SLC1A3: variants seen among roughly 807,000 people sequenced by gnomAD.
SLC1A3 encodes solute carrier family 1 member 3.
A neutral mutation model predicts 48.1 loss-of-function variants in SLC1A3; 21 were observed. The observed-to-expected ratio is 0.44, with a 90% CI of 0.31 to 0.63. The LOEUF (loss-of-function observed/expected upper bound fraction) is 0.63. SLC1A3 is among the 20% of genes least tolerant of loss of function. SLC1A3 has a pLI of 0.08. For missense variants in SLC1A3, 546 were observed against 689.0 expected, an observed-to-expected ratio of 0.79 and a Z score of 2.32; for synonymous variants, 239 against 251.4, an observed-to-expected ratio of 0.95 and a Z score of 0.47.
chr5:36,625,713 CA>C (rs1412453919), intron 2 of SLC1A3, among the ~76,000 whole-genome samples: 9 of 152,300 alleles, frequency 5.9e-5, no homozygotes, highest in Admixed American at 5.9e-4. Flanking sequence ...CACCTCTCTT[CA>C]AAACTTTTGA....
intron 2 of SLC1A3, among the ~76,000 whole-genome samples, chr5:36,628,068 C>G (rs1739982398): frequency 6.6e-6 from 1 of 152,124 alleles, no homozygotes; most frequent in South Asian, 2.1e-4. Flanking sequence ...GGATTTTGCC[C>G]CACCTTTCTG....
At chr5:36,665,617 C>A (rs540622760) in intron 3 of SLC1A3, among the ~76,000 whole-genome samples, 1 of 152,192 alleles carries the variant, frequency 6.6e-6, no homozygotes, top group South Asian at 2.1e-4. Context: ...ATGCTTACCA[C>A]GTGCTGAACA....
chr5:36,603,273 A>G (rs2562578), upstream of SLC1A3, among the ~76,000 whole-genome samples: 39,258 of 152,124 alleles, frequency 0.26, 7,377 homozygotes, highest in African/African-American at 0.53. Flanking sequence ...ATCCAGGCAC[A>G]GCCCCTTCTC....
Position 36,671,079 on chromosome 5 carries a change from G to A in SLC1A3, c.370G>A (p.Val124Ile). ...KASGKMGMRA[V>I]VYYMTTTIIA... ...ATCAGGGAAGATGGGAATGCGAGCT[G>A]TAGTCTATTATATGACTACCACCAT... The change falls in exon 4 of 10, where the codon GTA becomes ATA. Residue 124 changes from valine (V) to isoleucine (I), a missense_variant. Transcript: ENST00000265113. The A allele has an allele frequency of 1.2e-6, 2 of 1,614,046 alleles. No homozygotes were observed. Among genetic ancestry groups the A allele is most frequent in the East Asian group, 4.5e-5 (2 of 44,882 alleles).
At chr5:36,672,107 A>G (rs1241145796) in intron 4 of SLC1A3, among the ~76,000 whole-genome samples, 1 of 152,180 alleles carries the variant, frequency 6.6e-6, no homozygotes, top group Admixed American at 6.5e-5. Context: ...CTTAGCTATG[A>G]AGGAGCAAAG....
At chr5:36,639,434 T>A (rs1740524462) in intron 3 of SLC1A3, among the ~76,000 whole-genome samples, 1 of 152,220 alleles carries the variant, frequency 6.6e-6, no homozygotes, top group Admixed American at 6.5e-5. Context: ...GTAATATGCT[T>A]TATTTGGATA....
chr5:36,683,707 C>A (rs118060332), intron 8 of SLC1A3, among the ~76,000 whole-genome samples, 157 bp from the exon 9 acceptor site: 2 of 148,526 alleles, frequency 1.3e-5, no homozygotes, highest in African/African-American at 2.5e-5. Flanking sequence ...GATACTGTTT[C>A]AAAAAAAAAA....
chr5:36,684,420 C>T (rs1742563557), intron 9 of SLC1A3, among the ~76,000 whole-genome samples: 1 of 152,230 alleles, frequency 6.6e-6, no homozygotes, highest in African/African-American at 2.4e-5. Context: ...ATTTTCCCAT[C>T]CTAGCCCAAT....
At chr5:36,672,944 A>C (rs1339707490) in intron 4 of SLC1A3, among the ~76,000 whole-genome samples, 1 of 152,128 alleles carries the variant, frequency 6.6e-6, no homozygotes, top group Non-Finnish European at 1.5e-5. Context: ...TGTAATTTTT[A>C]TTCCTTGTTT....
chr5:36,646,014 T>C (rs1740826643), intron 3 of SLC1A3, among the ~76,000 whole-genome samples: 1 of 152,260 alleles, frequency 6.6e-6, no homozygotes, highest in Non-Finnish European at 1.5e-5. Context: ...GTAAGTAATA[T>C]ATGTAGTGAT....
intron 2 of SLC1A3, among the ~76,000 whole-genome samples, chr5:36,625,718 C>T (rs990944096): frequency 5.9e-5 from 9 of 152,320 alleles, no homozygotes; most frequent in Admixed American, 5.9e-4. Context: ...CTCTTCAAAA[C>T]TTTTGACCTA....
intron 2 of SLC1A3, among the ~76,000 whole-genome samples, chr5:36,620,180 G>T (rs920602594): frequency 1.3e-5 from 2 of 152,144 alleles, no homozygotes; most frequent in Admixed American, 1.3e-4. Flanking sequence ...ATGAGATACT[G>T]ATATTAAACG....
intron 3 of SLC1A3, among the ~76,000 whole-genome samples, chr5:36,662,514 C>G (rs1175050966): frequency 2.0e-5 from 3 of 152,172 alleles, no homozygotes; most frequent in African/African-American, 4.8e-5. Flanking sequence ...CTCGCCTCTC[C>G]CTCTTGCTCT....
At chr5:36,605,186 T>G (rs1738883771), upstream of SLC1A3, among the ~76,000 whole-genome samples, 1 of 152,154 alleles carries the variant, frequency 6.6e-6, no homozygotes. Context: ...AACTTATAAT[T>G]TAGTTGAGAA....
At chr5:36,653,762 T>A (rs2111857838) in intron 3 of SLC1A3, among the ~76,000 whole-genome samples, 1 of 152,308 alleles carries the variant, frequency 6.6e-6, no homozygotes, top group East Asian at 1.9e-4. Context: ...CTCCTGAGAG[T>A]GGCATACAAT....
At chr5:36,669,956 G>A (rs1249918341) in intron 3 of SLC1A3, 3 of 132,198 alleles carry the variant, frequency 2.3e-5, no homozygotes, top group African/African-American at 8.4e-5. Context: ...ATTTTAAATT[G>A]TTAAAAAAAA....
intron 5 of SLC1A3, among the ~76,000 whole-genome samples, chr5:36,674,317 A>G (rs1233380919): frequency 6.6e-6 from 1 of 152,138 alleles, no homozygotes; most frequent in African/African-American, 2.4e-5. Flanking sequence ...GCATACAAAT[A>G]TCTCATTGAG....
At chr5:36,661,542 T>G (rs554352137) in intron 3 of SLC1A3, among the ~76,000 whole-genome samples, 1 of 152,344 alleles carries the variant, frequency 6.6e-6, no homozygotes, top group African/African-American at 2.4e-5. Context: ...TCAGTCCATT[T>G]CAGAGTGCTA....
intron 6 of SLC1A3, among the ~76,000 whole-genome samples, chr5:36,677,946 C>A (rs903092538): frequency 1.1e-4 from 17 of 152,180 alleles, no homozygotes; most frequent in African/African-American, 4.1e-4. Context: ...TGCCAAGCCA[C>A]AATTTATAAC....
Sources: gnomAD v4.1 joint callset for allele counts (sites outside exome capture counted in the v4.1 genomes callset) on GRCh38, gnomAD v4.1.1 for gene constraint, MANE v1.5 for transcripts, NCBI Gene and HGNC (gene_info 2026-07-23, HGNC 2026-07-21) for gene names.